FGF14: variants seen among roughly 807,000 people sequenced by gnomAD.
FGF14 encodes the protein fibroblast growth factor 14.
FGF14 carries 5 observed loss-of-function variants against 25.5 expected under a neutral mutation model. The observed-to-expected ratio is 0.20, with a 90% CI of 0.10 to 0.41. The LOEUF is 0.41. Ranked by LOEUF, FGF14 falls within the 10% of genes least tolerant of loss-of-function variation. The probability of loss-of-function intolerance (pLI) is 1.00; values close to 1 mark genes in which losing one functional copy is unlikely to be tolerated. For missense variants in FGF14, 222 were observed against 320.1 expected, an observed-to-expected ratio of 0.69 and a Z score of 2.34; for synonymous variants, 138 against 118.3, an observed-to-expected ratio of 1.17 and a Z score of -1.08.
intron 1 of FGF14, among the ~76,000 whole-genome samples, chr13:102,270,254 G>C (rs545041869): frequency 2.7e-4 from 41 of 151,786 alleles, no homozygotes; most frequent in African/African-American, 5.3e-4. Context: ...CTCTCTCTCT[G>C]TGTGTCTCTA....
chr13:101,943,812 T>TAAAAAA (rs58741547), intron 1 of FGF14, among the ~76,000 whole-genome samples: 8 of 134,224 alleles, frequency 6.0e-5, no homozygotes, highest in African/African-American at 2.5e-4. Context: ...TGTCTCTACT[T>TAAAAAA]AAAAAAAAAA....
chr13:102,083,380 G>A (rs1436933821), intron 1 of FGF14, among the ~76,000 whole-genome samples: 1 of 152,042 alleles, frequency 6.6e-6, no homozygotes, highest in African/African-American at 2.4e-5. Context: ...AAGAGGGCTG[G>A]GGAATTATGT....
intron 1 of FGF14, among the ~76,000 whole-genome samples, chr13:102,074,412 C>A (rs951211183): frequency 1.3e-5 from 2 of 152,170 alleles, no homozygotes; most frequent in Admixed American, 1.3e-4. Context: ...TTCTTCTGAA[C>A]CATGACTCTC....
chr13:102,223,660 C>G (rs543757419), intron 1 of FGF14, among the ~76,000 whole-genome samples: 3 of 152,222 alleles, frequency 2.0e-5, no homozygotes, highest in African/African-American at 7.2e-5. Context: ...AGGGTCTTTG[C>G]CTATATTTTC....
chr13:101,830,228 C>T (rs1430106049), intron 3 of FGF14, among the ~76,000 whole-genome samples: 2 of 152,038 alleles, frequency 1.3e-5, no homozygotes, highest in African/African-American at 4.8e-5. Flanking sequence ...TTTTTCTCCA[C>T]GTCATCATCA....
At chr13:102,328,558 T>C (rs1318848323) in intron 1 of FGF14, among the ~76,000 whole-genome samples, 3 of 152,250 alleles carry the variant, frequency 2.0e-5, no homozygotes, top group African/African-American at 7.2e-5. Context: ...GCAAGAATTC[T>C]GTCCATTCAT....
chr13:101,858,640 T>C (rs2044250560), intron 3 of FGF14, among the ~76,000 whole-genome samples: 1 of 152,118 alleles, frequency 6.6e-6, no homozygotes, highest in South Asian at 2.1e-4. Context: ...TTTTGATCAA[T>C]ATAAATGTTG....
intron 1 of FGF14, among the ~76,000 whole-genome samples, chr13:102,015,806 T>C (rs1380301262): frequency 6.6e-6 from 1 of 152,080 alleles, no homozygotes; most frequent in Admixed American, 6.5e-5. Context: ...AGAAAAAAAA[T>C]CGACTTAAAG....
At chr13:101,885,701 G>GAA (rs75565604) in intron 1 of FGF14, among the ~76,000 whole-genome samples, 150 of 122,700 alleles carry the variant, frequency 1.2e-3, no homozygotes, top group African/African-American at 1.9e-3. Flanking sequence ...ACAGGCCTCT[G>GAA]AAAAAAAAAA....
At chr13:101,852,443 G>A (rs2043900925) in intron 3 of FGF14, among the ~76,000 whole-genome samples, 1 of 151,940 alleles carries the variant, frequency 6.6e-6, no homozygotes, top group Admixed American at 6.6e-5. Flanking sequence ...TCTTGAAGGA[G>A]GAAAAAAACA....
At chr13:102,160,822 A>G (rs928718340) in intron 1 of FGF14, among the ~76,000 whole-genome samples, 3 of 152,116 alleles carry the variant, frequency 2.0e-5, no homozygotes, top group Non-Finnish European at 4.4e-5. Flanking sequence ...GCAAAAAAAA[A>G]CAGTGCTTAT....
intron 1 of FGF14, among the ~76,000 whole-genome samples, chr13:102,093,652 C>T (rs1297114636): frequency 6.6e-6 from 1 of 152,038 alleles, no homozygotes; most frequent in African/African-American, 2.4e-5. Flanking sequence ...ATATGAGACC[C>T]ATACAAACTG....
intron 1 of FGF14, among the ~76,000 whole-genome samples, chr13:102,301,389 A>T (rs565892169): frequency 6.6e-6 from 1 of 152,210 alleles, no homozygotes; most frequent in African/African-American, 2.4e-5. Context: ...ACACAATTCA[A>T]TTGACAGTTA....
chr13:101,964,063 C>T (rs1057194063), intron 1 of FGF14, among the ~76,000 whole-genome samples: 3 of 152,164 alleles, frequency 2.0e-5, no homozygotes, highest in Non-Finnish European at 2.9e-5. Context: ...TGAAACATGA[C>T]CATCTTAAAA....
At chr13:102,345,116 C>G (rs2057066657) in intron 1 of FGF14, among the ~76,000 whole-genome samples, 1 of 152,184 alleles carries the variant, frequency 6.6e-6, no homozygotes, top group African/African-American at 2.4e-5. Context: ...TGGGGAAAAT[C>G]ACTTAGGTTT....
intron 3 of FGF14, among the ~76,000 whole-genome samples, chr13:101,790,502 T>C (rs1470654323): frequency 2.0e-5 from 3 of 151,428 alleles, no homozygotes; most frequent in Non-Finnish European, 4.4e-5. Context: ...GGAGGGAAGG[T>C]GCAAAGGCAA....
chr13:102,010,449 T>A lies in FGF14; in HGVS notation c.209-135153A>T, dbSNP rs544015212. Among the ~76,000 whole-genome samples the A allele has an allele frequency of 2.6e-5, 4 of 152,114 alleles. No homozygotes were observed. In the South Asian group the frequency reaches 8.3e-4, roughly 32 times the overall value. On this transcript the variant is annotated intron_variant, in intron 1 of 4. Coordinates refer to the FGF14 transcript ENST00000376131. ...GAACTAATAACACAACTAATCAACT[T>A]TGCCCAGAATCGGATTCCTGTTCTA...
intron 4 of FGF14, among the ~76,000 whole-genome samples, chr13:101,725,772 C>G (rs1336047133): frequency 2.6e-5 from 4 of 151,862 alleles, no homozygotes; most frequent in African/African-American, 9.7e-5. Flanking sequence ...AACAAAAGAA[C>G]TTGAATAGAA....
intron 1 of FGF14, among the ~76,000 whole-genome samples, chr13:101,879,951 T>A (rs1305473063): frequency 6.6e-6 from 1 of 152,142 alleles, no homozygotes; most frequent in Non-Finnish European, 1.5e-5. Flanking sequence ...TCCAAAGGAC[T>A]GAGAAAATAA....
Sources: gnomAD v4.1 joint callset for allele counts (sites outside exome capture counted in the v4.1 genomes callset) on GRCh38, gnomAD v4.1.1 for gene constraint, MANE v1.5 for transcripts, NCBI Gene and HGNC (gene_info 2026-07-23, HGNC 2026-07-21) for gene names.